Variants in PRDM5 observed in about 807,000 individuals in gnomAD.
PRDM5 encodes PR domain zinc finger protein 5.
Under a neutral mutation model 81.2 loss-of-function variants are expected in PRDM5, and 56 were observed. The observed-to-expected ratio is 0.69, with a 90% CI of 0.56 to 0.86. The LOEUF (loss-of-function observed/expected upper bound fraction) is 0.86, where lower values mean the gene tolerates loss of function less well. PRDM5 is among the 40% of genes least tolerant of loss of function. The probability of loss-of-function intolerance (pLI) is 0.00; values close to 1 mark genes in which losing one functional copy is unlikely to be tolerated. For synonymous variants in PRDM5, 267 were observed against 256.4 expected (o/e 1.04, Z -0.39); for missense variants, 697 against 770.1 (o/e 0.91, Z 1.12).
At chr4:120,859,792 T>C (rs1760354240) in intron 2 of PRDM5, among the ~76,000 whole-genome samples, 1 of 152,146 alleles carries the variant, frequency 6.6e-6, no homozygotes. Context: ...CTATAGCCCT[T>C]CAAATTTCTG....
chr4:120,690,695 T>TTGTGAG (rs1241505052), downstream of PRDM5, among the ~76,000 whole-genome samples: 1,880 of 152,260 alleles, frequency 0.012, 36 homozygotes, highest in African/African-American at 0.043. Flanking sequence ...GCTGGGACTC[T>TTGTGAG]CTTCATTTTT....
intron 2 of PRDM5, among the ~76,000 whole-genome samples, chr4:120,883,234 G>C (rs545706049): frequency 3.3e-5 from 5 of 152,006 alleles, no homozygotes; most frequent in Non-Finnish European, 7.4e-5. Context: ...GTGTTAGAAG[G>C]TACAATAAAG....
At chr4:120,873,750 T>G (rs1450377065) in intron 2 of PRDM5, among the ~76,000 whole-genome samples, 1 of 152,210 alleles carries the variant, frequency 6.6e-6, no homozygotes, top group East Asian at 1.9e-4. Flanking sequence ...AAAATCTACT[T>G]TTTCCCCACT....
chr4:120,711,098 C>A (rs1210186780), intron 14 of PRDM5, among the ~76,000 whole-genome samples: 3 of 152,082 alleles, frequency 2.0e-5, no homozygotes, highest in East Asian at 1.9e-4. Context: ...ACTTCTAGGT[C>A]ATTTCTTTTG....
intron 3 of PRDM5, among the ~76,000 whole-genome samples, chr4:120,842,409 A>G (rs746896760): frequency 3.9e-5 from 6 of 152,224 alleles, no homozygotes; most frequent in Non-Finnish European, 8.8e-5. Context: ...GGTACATTCA[A>G]CTAGGTGTAC....
At chr4:120,728,459 A>AT (rs1009624863) in intron 14 of PRDM5, among the ~76,000 whole-genome samples, 2 of 151,900 alleles carry the variant, frequency 1.3e-5, no homozygotes, top group African/African-American at 2.4e-5. Context: ...ACATATATAT[A>AT]TTTTTTTCTG....
At chr4:120,882,604 A>G (rs1324897586) in intron 2 of PRDM5, among the ~76,000 whole-genome samples, 1 of 152,198 alleles carries the variant, frequency 6.6e-6, no homozygotes, top group East Asian at 1.9e-4. Context: ...TGAAATAACC[A>G]TTTTATAATA....
intron 3 of PRDM5, among the ~76,000 whole-genome samples, chr4:120,821,879 T>C (rs997491003): frequency 1.3e-5 from 2 of 151,236 alleles, no homozygotes; most frequent in African/African-American, 2.4e-5. Context: ...AAGGTGTTGA[T>C]GGAGCCATCA....
intron 2 of PRDM5, among the ~76,000 whole-genome samples, chr4:120,861,090 C>A (rs1436691364): frequency 6.6e-6 from 1 of 152,190 alleles, no homozygotes; most frequent in African/African-American, 2.4e-5. Flanking sequence ...TCAGTGCAAC[C>A]TGTGTCTCCT....
chr4:120,815,179 T>C (rs1754322860), intron 7 of PRDM5, among the ~76,000 whole-genome samples: 1 of 152,210 alleles, frequency 6.6e-6, no homozygotes, highest in Non-Finnish European at 1.5e-5. Flanking sequence ...AAGAATAGCA[T>C]TTTAACTAGA....
chr4:120,817,533 A>G (rs1158624884), intron 5 of PRDM5, among the ~76,000 whole-genome samples: 1 of 152,180 alleles, frequency 6.6e-6, no homozygotes. Context: ...AGATATGTTG[A>G]TGAGATGGGA....
intron 2 of PRDM5, among the ~76,000 whole-genome samples, chr4:120,881,570 T>C (rs1277227355): frequency 6.6e-6 from 1 of 152,166 alleles, no homozygotes; most frequent in Non-Finnish European, 1.5e-5. Context: ...TGACTTACCA[T>C]AGCCAGAGCA....
At chr4:120,883,571 G>T (rs539562723) in intron 2 of PRDM5, among the ~76,000 whole-genome samples, 1 of 134,036 alleles carries the variant, frequency 7.5e-6, no homozygotes, top group African/African-American at 3.0e-5. Context: ...ATCACACACC[G>T]GTGCCTGTTG....
chr4:120,846,820 C>A (rs1758702623), intron 3 of PRDM5, among the ~76,000 whole-genome samples: 2 of 152,132 alleles, frequency 1.3e-5, no homozygotes, highest in Admixed American at 1.3e-4. Flanking sequence ...GCTAGATCAT[C>A]TTTTTAGTCA....
At chr4:120,889,924 T>C (rs1763861634) in intron 2 of PRDM5, among the ~76,000 whole-genome samples, 2 of 152,210 alleles carry the variant, frequency 1.3e-5, no homozygotes, top group South Asian at 4.1e-4. Flanking sequence ...ATAGTGTACA[T>C]TTTCTTTATC....
At chr4:120,820,707 G>A (rs1755144621) in intron 4 of PRDM5, among the ~76,000 whole-genome samples, 2 of 152,292 alleles carry the variant, frequency 1.3e-5, no homozygotes, top group East Asian at 1.9e-4. Context: ...CCAAACAAGA[G>A]GAATCAATCC....
At chr4:120,922,258 T>C (rs1725042715) in intron 1 of PRDM5, among the ~76,000 whole-genome samples, 1 of 152,014 alleles carries the variant, frequency 6.6e-6, no homozygotes, top group Non-Finnish European at 1.5e-5. Context: ...CGGTGGCAGT[T>C]CCGCCCCTGG....
chr4:120,793,234 T>C (rs1004173494), intron 10 of PRDM5, among the ~76,000 whole-genome samples: 13 of 152,210 alleles, frequency 8.5e-5, no homozygotes, highest in African/African-American at 3.1e-4. Context: ...AATCCTATTG[T>C]GAACTGCACA....
At chr4:120,812,131 G>T (rs950586568) in intron 7 of PRDM5, among the ~76,000 whole-genome samples, 1 of 152,008 alleles carries the variant, frequency 6.6e-6, no homozygotes, top group Admixed American at 6.6e-5. Flanking sequence ...TGTGAAATTT[G>T]TGCAGCTGTG....
Sources: allele counts gnomAD v4.1 joint callset (sites outside exome capture counted in the v4.1 genomes callset), GRCh38; gene constraint gnomAD v4.1.1; transcripts MANE v1.5; gene names NCBI Gene and HGNC (gene_info 2026-07-23, HGNC 2026-07-21).